The following DGKH variants were observed in gnomAD, a reference collection of about 807,000 sequenced individuals.
The protein encoded by DGKH is diacylglycerol kinase eta.
DGKH carries 90 observed loss-of-function variants against 159.3 expected under a neutral mutation model. The observed-to-expected ratio is 0.57, with a 90% CI of 0.48 to 0.67. The LOEUF (loss-of-function observed/expected upper bound fraction) is 0.67, where lower values mean the gene tolerates loss of function less well. Ranked by LOEUF, DGKH falls within the 30% of genes least tolerant of loss-of-function variation. The pLI is 0.00. For missense variants in DGKH, 1,181 were observed against 1,506.1 expected, an observed-to-expected ratio of 0.78 and a Z score of 3.57; for synonymous variants, 536 against 553.8, an observed-to-expected ratio of 0.97 and a Z score of 0.45.
intron 1 of DGKH, among the ~76,000 whole-genome samples, chr13:42,126,985 A>G (rs184343704): frequency 5.9e-5 from 9 of 152,334 alleles, no homozygotes; most frequent in Admixed American, 5.2e-4. Flanking sequence ...CAACAACCCT[A>G]TAAGGTATGT....
intron 25 of DGKH, 87 bp from the exon 26 acceptor site, chr13:42,215,488 A>G: frequency 9.6e-7 from 1 of 1,045,486 alleles, no homozygotes; most frequent in Non-Finnish European, 1.3e-6. Flanking sequence ...TGTGAATTTA[A>G]ATTATAAGAA....
At chr13:42,075,819 T>C (rs2137705502) in intron 1 of DGKH, among the ~76,000 whole-genome samples, 1 of 152,342 alleles carries the variant, frequency 6.6e-6, no homozygotes, top group East Asian at 1.9e-4. Context: ...TACAAGCTCA[T>C]TGTCACCTTG....
At chr13:42,211,107 A>C (rs929488059) in intron 24 of DGKH, among the ~76,000 whole-genome samples, 1 of 152,216 alleles carries the variant, frequency 6.6e-6, no homozygotes, top group Non-Finnish European at 1.5e-5. Context: ...TTTTGAGACC[A>C]CACATAACAT....
intron 1 of DGKH, among the ~76,000 whole-genome samples, chr13:42,095,017 A>G (rs1954494353): frequency 6.6e-6 from 1 of 152,154 alleles, no homozygotes; most frequent in African/African-American, 2.4e-5. Flanking sequence ...ATTGGGCAGC[A>G]GGATATGAAG....
intron 1 of DGKH, among the ~76,000 whole-genome samples, chr13:42,112,284 C>CTTTT (rs58307947): frequency 0.075 from 9,180 of 122,666 alleles, 1,184 homozygotes; most frequent in African/African-American, 0.23. Flanking sequence ...AGCCTTGTGG[C>CTTTT]TTTTTTTTTT....
chr13:42,237,600 G>A lies in DGKH; in HGVS notation c.*8412G>A, dbSNP rs138001873. 7.2e-5 allele frequency: 11 copies of A among 152,332 alleles called. No individual in the cohort carries two copies. Among genetic ancestry groups the A allele is most frequent in the African/African-American group, 2.4e-4 (10 of 41,574 alleles). 9.4% of individuals were successfully genotyped at this position (152,332 alleles called of 1,614,324 possible). On this transcript the variant is annotated 3_prime_UTR_variant, in exon 30 of 30. Transcript: ENST00000337343. ...AAACAAAAAATATCACATTGATGAA[G>A]TCCGAGACTGTATCTAGATCTTAGC...
chr13:42,174,383 C>A (rs899524847), intron 12 of DGKH, among the ~76,000 whole-genome samples: 5 of 152,152 alleles, frequency 3.3e-5, no homozygotes, highest in Non-Finnish European at 5.9e-5. Flanking sequence ...AGTCACTCCT[C>A]TTCCTGGGAC....
At chr13:42,226,965 A>G (rs1233422604) in intron 29 of DGKH, among the ~76,000 whole-genome samples, 4 of 152,198 alleles carry the variant, frequency 2.6e-5, no homozygotes, top group Admixed American at 2.6e-4. Context: ...TTGCAGGGAC[A>G]TGGATGGAGC....
At chr13:42,090,446 A>G (rs1370261554) in intron 1 of DGKH, among the ~76,000 whole-genome samples, 1 of 152,194 alleles carries the variant, frequency 6.6e-6, no homozygotes, top group African/African-American at 2.4e-5. Context: ...AATAGACAAA[A>G]CAAATCTTGG....
intron 3 of DGKH, among the ~76,000 whole-genome samples, chr13:42,151,985 C>G (rs995785909): frequency 1.3e-5 from 2 of 152,038 alleles, no homozygotes; most frequent in Non-Finnish European, 2.9e-5. Context: ...AATGACTGCT[C>G]TAAGATGGTG....
Position 42,215,748 on chromosome 13 carries a change from G to A in DGKH, c.3213+81G>A, listed in dbSNP as rs1957774820. The A allele has an allele frequency of 4.6e-6, 6 of 1,301,734 alleles. No individual in the cohort carries two copies. The South Asian group carries it at 5.5e-5, about 12-fold the overall frequency. 80.6% of individuals were successfully genotyped at this position (1,301,734 alleles called of 1,614,324 possible). A position where few individuals can be genotyped will look rare whatever the true frequency, so the allele number is the denominator to read the frequency against. On this transcript the variant is annotated intron_variant, in intron 26 of 29. Coordinates refer to ENST00000337343, the MANE Select transcript of DGKH (RefSeq NM_178009.5). ...ACCTTCATTGGGGAACAGGCATTTG[G>A]CAGATTCTAAGGCAGAAGCAGCCTT...
intron 8 of DGKH, among the ~76,000 whole-genome samples, chr13:42,165,706 C>A (rs1006910492): frequency 2.6e-5 from 4 of 151,848 alleles, no homozygotes; most frequent in African/African-American, 9.7e-5. Context: ...TTACTCTGTA[C>A]GGCAATACAA....
chr13:42,209,733 C>G (rs1327184967), intron 23 of DGKH, among the ~76,000 whole-genome samples: 2 of 152,172 alleles, frequency 1.3e-5, no homozygotes, highest in East Asian at 3.8e-4. Flanking sequence ...CTTCCCTACA[C>G]ATGTAAATTC....
chr13:42,074,343 C>G (rs1883164777), intron 1 of DGKH, among the ~76,000 whole-genome samples: 1 of 152,162 alleles, frequency 6.6e-6, no homozygotes, highest in South Asian at 2.1e-4. Context: ...GTCAGGTCTT[C>G]ACATCATTTA....
upstream of DGKH, among the ~76,000 whole-genome samples, chr13:42,046,837 TCA>T (rs1289933221): frequency 6.6e-6 from 1 of 152,234 alleles, no homozygotes; most frequent in African/African-American, 2.4e-5. Context: ...GACTTTGGTC[TCA>T]GTTTGTCAGT....
intron 3 of DGKH, among the ~76,000 whole-genome samples, chr13:42,153,560 T>A (rs959015216): frequency 6.6e-6 from 1 of 152,214 alleles, no homozygotes; most frequent in South Asian, 2.1e-4. Context: ...AAAACATCAG[T>A]GAGTCCAGTG....
intron 29 of DGKH, among the ~76,000 whole-genome samples, chr13:42,226,839 A>G (rs1958145307): frequency 2.0e-5 from 3 of 149,030 alleles, no homozygotes; most frequent in African/African-American, 7.4e-5. Context: ...CCCAAGCGAC[A>G]GTATGAGACT....
At chr13:42,225,313 C>T (rs1437282661) in intron 29 of DGKH, 3 of 1,583,944 alleles carry the variant, frequency 1.9e-6, no homozygotes, top group East Asian at 2.3e-5. Context: ...AAAAAAGAGA[C>T]ACCAAAGAAA....
intron 28 of DGKH, among the ~76,000 whole-genome samples, chr13:42,220,128 C>A (rs952591526): frequency 1.3e-5 from 2 of 152,174 alleles, no homozygotes. Context: ...TCAGATGGTT[C>A]TTTCTCAACA....
Sources: gnomAD v4.1 joint callset for allele counts (sites outside exome capture counted in the v4.1 genomes callset) on GRCh38, gnomAD v4.1.1 for gene constraint, MANE v1.5 for transcripts, NCBI Gene and HGNC (gene_info 2026-07-23, HGNC 2026-07-21) for gene names.